CHRDL2: variants seen among roughly 807,000 people sequenced by gnomAD.
CHRDL2 encodes the protein chordin-like protein 2.
A neutral mutation model predicts 54.3 loss-of-function variants in CHRDL2; 41 were observed. The ratio of observed to expected loss-of-function variants is 0.76; its 90% CI spans 0.59 to 0.98. The LOEUF (loss-of-function observed/expected upper bound fraction) is 0.98, where lower values mean the gene tolerates loss of function less well. Among genes scored for constraint, CHRDL2 ranks in the 50% least tolerant of loss-of-function variants. The pLI, the probability that CHRDL2 is intolerant of heterozygous loss-of-function variation, is 0.00. For missense variants in CHRDL2, 518 were observed against 562.4 expected (o/e 0.92, Z 0.80); for synonymous variants, 220 against 224.3 (o/e 0.98, Z 0.17).
chr11:74,722,079 T>C (rs1442567634), intron 1 of CHRDL2, among the ~76,000 whole-genome samples: 2 of 152,208 alleles, frequency 1.3e-5, no homozygotes, highest in Non-Finnish European at 2.9e-5. Context: ...TGGGTTAGGA[T>C]GAAGTTCAGG....
At chr11:74,711,804 T>G (rs1379461165) in intron 3 of CHRDL2, among the ~76,000 whole-genome samples, 1 of 151,418 alleles carries the variant, frequency 6.6e-6, no homozygotes, top group East Asian at 1.9e-4. Context: ...TTTTAAATTT[T>G]TTTTCCTTTT....
chr11:74,713,577 GAAC>G, intron 2 of CHRDL2, 98 bp from the exon 3 acceptor site: 1 of 896,676 alleles, frequency 1.1e-6, no homozygotes, highest in East Asian at 2.5e-5. Flanking sequence ...GCAGAAGTCT[GAAC>G]TTGTCGTAAG....
At chr11:74,711,569 G>C (rs1471591175) in intron 3 of CHRDL2, among the ~76,000 whole-genome samples, 1 of 152,142 alleles carries the variant, frequency 6.6e-6, no homozygotes, top group Non-Finnish European at 1.5e-5. Context: ...TCCTGAGAGA[G>C]CCCACTCATT....
chr11:74,696,538 C>A lies in CHRDL2; in HGVS notation c.1261G>T (p.Ala421Ser). Residue 421 changes from alanine to serine, a missense_variant, in exon 11 of 11, where the codon GCC (alanine) becomes TCC (serine). By Grantham distance (99) the Ala-to-Ser change is moderately conservative. Transcript: ENST00000376332. Reference sequence around the variant, plus strand: ...GTCTTGGTCACTTTGTCTGGACTGGCCGTGACCTTCAGCTCCAGGGTCTGG... The same window carrying A: ...GTCTTGGTCACTTTGTCTGGACTGGACGTGACCTTCAGCTCCAGGGTCTGG... The part of the protein sequence containing the change: ...LAQTLELKVT[A>S]SPDKVTKT 1 of 1,614,122 alleles carries A rather than the reference C, an allele frequency of 6.2e-7. No homozygotes were observed. Among genetic ancestry groups the A allele is most frequent in the African/African-American group, 1.3e-5 (1 of 75,054 alleles).
At position 74,706,562 on chromosome 11, in the gene CHRDL2, C is replaced by T. The variant is rs1224447501; in HGVS notation, c.527-20G>A. On this transcript the variant is annotated intron_variant, in intron 5 of 10. Coordinates refer to ENST00000376332, the MANE Select transcript of CHRDL2 (RefSeq NM_001278473.3). Reference sequence around the variant, plus strand: ...CCTCATCTGAAAACTCAAAGGGAAGCTGGGTCAGCCTCAGGCTCCCCAGCC... The same window carrying T: ...CCTCATCTGAAAACTCAAAGGGAAGTTGGGTCAGCCTCAGGCTCCCCAGCC... 6.2e-7 allele frequency: 1 copy of T among 1,613,918 alleles called. No homozygotes were observed.
chr11:74,731,200 A>C lies in CHRDL2; in HGVS notation c.-312T>G. 2 of 274,258 alleles carry C rather than the reference A, an allele frequency of 7.3e-6. No homozygotes were observed. Among genetic ancestry groups the C allele is most frequent in the Non-Finnish European group, 1.4e-5 (2 of 144,870 alleles). The allele number at this position is 274,258 out of a possible 1,614,324, so 17.0% of individuals were successfully genotyped here. ...GGGAAGGTGAGAGGGAGAGGAGGAGAAAGCAGGGAGAGGACCGGCGTCTGC... is the reference window on the plus strand; with the variant it reads ...GGGAAGGTGAGAGGGAGAGGAGGAGCAAGCAGGGAGAGGACCGGCGTCTGC... On this transcript the variant is annotated 5_prime_UTR_variant, in exon 1 of 11. Transcript: ENST00000376332. The surrounding 1 kb of genome is among the most constrained non-coding windows in gnomAD (Gnocchi z 4.4).
At position 74,703,616 on chromosome 11, in the gene CHRDL2, A is replaced by C; in HGVS notation, c.752-117T>G. ...AGCCCTCACTTTACCAGTCCTGCCT[A>C]GCCACACTGCCTGCAAAGCATAGGC... is the stretch of plus-strand genomic sequence containing the variant. On this transcript the variant is annotated intron_variant, in intron 7 of 10. Transcript: ENST00000376332. The C allele has an allele frequency of 4.8e-6, 4 of 835,712 alleles. No individual in the cohort carries two copies. In the South Asian group the frequency reaches 7.4e-5, roughly 16 times the overall value. 51.8% of individuals were successfully genotyped at this position (835,712 alleles called of 1,614,324 possible). A position where few individuals can be genotyped will look rare whatever the true frequency, so the allele number is the denominator to read the frequency against.
chr11:74,709,980 G>A (rs2034132037), intron 4 of CHRDL2, among the ~76,000 whole-genome samples: 1 of 152,142 alleles, frequency 6.6e-6, no homozygotes, highest in Non-Finnish European at 1.5e-5. Context: ...ACTTTGGGAG[G>A]CCGAGGCGGG....
rs569575109 is a variant in CHRDL2 at position 74,696,551 on chromosome 11, C to T, written c.1248G>A (p.Glu416=). The change falls in exon 11 of 11, where the codon GAG becomes GAA. Residue 416 remains glutamate, a synonymous_variant. Coordinates refer to ENST00000376332, the MANE Select transcript of CHRDL2 (RefSeq NM_001278473.3). ...TGTCTGGACTGGCCGTGACCTTCAG[C>T]TCCAGGGTCTGGGCTAGGAAGACGT... is the stretch of plus-strand genomic sequence containing the variant. ...HWNVFLAQTL[E]LKVTASPDKV... 2 of 1,614,134 alleles carry T rather than the reference C, an allele frequency of 1.2e-6. No individual in the cohort carries two copies. The highest frequency in any genetic ancestry group is 4.5e-5 in the East Asian group (2 of 44,884).
chr11:74,704,359 A>G (rs1437363468), intron 7 of CHRDL2, 127 bp downstream of exon 7: 1 of 877,294 alleles, frequency 1.1e-6, no homozygotes, highest in East Asian at 2.8e-5. Flanking sequence ...CCGAGTCTAC[A>G]AGCTCATGGC....
Position 74,702,870 on chromosome 11 carries a change from TG to T in CHRDL2, c.1043del (p.Pro348GlnfsTer25). On this transcript the variant is annotated frameshift_variant, in exon 9 of 11. Transcript: ENST00000376332. LOFTEE classifies it high-confidence loss of function. The part of the protein sequence containing the change: ...VLVHTSVSPS[P>X]DNLRRFALEH... The stretch of plus-strand genomic sequence containing the variant: ...CCAGGGCAAAGCGACGCAGGTTGTC[TG>T]GGCTTGGGGATACCGATGTGTGGAC... The T allele has an allele frequency of 6.2e-7, 1 of 1,614,190 alleles. No homozygotes were observed.
chr11:74,710,843 T>G lies in CHRDL2; in HGVS notation c.432+6A>C. On this transcript the variant is annotated splice_donor_region_variant and intron_variant, in intron 4 of 10. Transcript: ENST00000376332. ...CCTGTGCTGAAGGGAAGGCAGGAGTTCTTACTGTGCAGCTGCAGAGGACAC... is the reference window on the plus strand; with the variant it reads ...CCTGTGCTGAAGGGAAGGCAGGAGTGCTTACTGTGCAGCTGCAGAGGACAC... The G allele has an allele frequency of 1.2e-6, 2 of 1,613,834 alleles. No homozygotes were observed. Among genetic ancestry groups the G allele is most frequent in the Middle Eastern group, 3.3e-4 (2 of 6,058 alleles).
chr11:74,716,031 T>C (rs767776650), intron 2 of CHRDL2, among the ~76,000 whole-genome samples: 17 of 152,044 alleles, frequency 1.1e-4, no homozygotes, highest in Non-Finnish European at 2.1e-4. Flanking sequence ...ATTTCATTAA[T>C]AGGGGTAGAC....
chr11:74,702,910 G>T lies in CHRDL2; in HGVS notation c.1004C>A (p.Pro335Gln), dbSNP rs35903991. ...CGATGTGTGGACGAGGACCCGGCCC[G>T]GTGCCTTGGGACACCTGGTAGAACT... ...EISSTRCPKA[P>Q]GRVLVHTSVS... Residue 335 changes from proline to glutamine, a missense_variant, in exon 9 of 11, where the codon CCG becomes CAG. Pro to Gln is a moderately conservative substitution (Grantham distance 76). Coordinates refer to ENST00000376332, the MANE Select transcript of CHRDL2 (RefSeq NM_001278473.3). 6.2e-7 allele frequency: 1 copy of T among 1,614,020 alleles called. No individual in the cohort carries two copies. The highest frequency in any genetic ancestry group is 1.3e-5 in the African/African-American group (1 of 74,920).
intron 1 of CHRDL2, among the ~76,000 whole-genome samples, chr11:74,730,008 A>G (rs2034627501): frequency 6.6e-6 from 1 of 152,064 alleles, no homozygotes; most frequent in South Asian, 2.1e-4. Flanking sequence ...TAGCTGCTTT[A>G]CCTCTTTTCT....
At chr11:74,729,136 C>T (rs187192752) in intron 1 of CHRDL2, among the ~76,000 whole-genome samples, 53 of 152,274 alleles carry the variant, frequency 3.5e-4, no homozygotes, top group African/African-American at 1.2e-3. Flanking sequence ...GGACATCTTT[C>T]CAAGATGCAT....
intron 1 of CHRDL2, among the ~76,000 whole-genome samples, chr11:74,724,588 T>C (rs2034543910): frequency 6.6e-6 from 1 of 152,240 alleles, no homozygotes; most frequent in South Asian, 2.1e-4. Context: ...CTCCTCCTAC[T>C]GTGCCTTCAA....
Position 74,702,923 on chromosome 11 carries a change from A to C in CHRDL2, c.991T>G (p.Cys331Gly). ...PGHSEISSTR[C>G]PKAPGRVLVH... is the part of the protein sequence containing the mutation. ...AGGACCCGGCCCGGTGCCTTGGGAC[A>C]CCTGGTAGAACTGATCTCACTGTGG... is the stretch of plus-strand genomic sequence containing the variant. Residue 331 changes from cysteine (C) to glycine (G), a missense_variant, in exon 9 of 11, where the codon TGT becomes GGT. By Grantham distance (159) the Cys-to-Gly change is radical. Transcript: ENST00000376332. 1 of 1,614,108 alleles carries C rather than the reference A, an allele frequency of 6.2e-7. No homozygotes were observed. Among genetic ancestry groups the C allele is most frequent in the Non-Finnish European group, 8.5e-7 (1 of 1,179,984 alleles).
At position 74,710,885 on chromosome 11, in the gene CHRDL2, G is replaced by A; in HGVS notation, c.396C>T (p.Ser132=). 6.2e-7 allele frequency: 1 copy of A among 1,614,164 alleles called. No individual in the cohort carries two copies. The part of the protein sequence containing the change: ...EIFSAHELFP[S]RLPNQCVLCS... ...AGAGGACACACTGGTTGGGCAGGCG[G>A]GAGGGGAACAGCTCATGGGCACTGA... is the stretch of plus-strand genomic sequence containing the variant. Residue 132 remains serine, a synonymous_variant, in exon 4 of 11, where the codon TCC becomes TCT. Transcript: ENST00000376332.
Sources: allele counts gnomAD v4.1 joint callset (sites outside exome capture counted in the v4.1 genomes callset), GRCh38; gene constraint gnomAD v4.1.1; non-coding constraint Gnocchi (gnomAD v3.1); transcripts MANE v1.5; gene names NCBI Gene and HGNC (gene_info 2026-07-23, HGNC 2026-07-21).